The following GLRA2 variants were observed in gnomAD, a reference collection of about 807,000 sequenced individuals.
GLRA2 encodes the protein glycine receptor subunit alpha-2.
Under a neutral mutation model 31.6 loss-of-function variants are expected in GLRA2, and 11 were observed. That is an observed-to-expected ratio of 0.35 (90% CI 0.22 to 0.58). The LOEUF is 0.58. Among genes scored for constraint, GLRA2 ranks in the 20% least tolerant of loss-of-function variants. GLRA2 has a pLI of 0.84. For synonymous variants in GLRA2, 132 were observed against 134.0 expected (o/e 0.99, Z 0.10); for missense variants, 212 against 351.8 (o/e 0.60, Z 3.18).
the GLRA2 span, among the ~76,000 whole-genome samples, chrX:14,492,143 G>GA: frequency 2.0e-3 from 207 of 104,252 alleles, 1 homozygote; most frequent in South Asian, 0.026. Context: ...AAAATGGATT[G>GA]AAAAAAAAAA....
intron 7 of GLRA2, among the ~76,000 whole-genome samples, chrX:14,681,034 A>G (rs1186496903): frequency 8.9e-6 from 1 of 112,317 alleles, no homozygotes; most frequent in African/African-American, 3.2e-5. Flanking sequence ...GTGATTGGTA[A>G]TGTTCTATTA....
the GLRA2 span, among the ~76,000 whole-genome samples, chrX:14,476,697 G>T: frequency 8.9e-6 from 1 of 111,914 alleles, no homozygotes; most frequent in South Asian, 3.7e-4. Flanking sequence ...GCAGAGAGTA[G>T]AACATTCTTG....
chrX:14,581,260 C>T lies in GLRA2; in HGVS notation c.348C>T (p.Ser116=). ...CGTACAGTGAGTACCCAGATGACTCCCTGGACTTGGACCCATCCATGCTAG... is the reference window on the plus strand; with the variant it reads ...CGTACAGTGAGTACCCAGATGACTCTCTGGACTTGGACCCATCCATGCTAG... ...RLAYSEYPDD[S]LDLDPSMLDS... Residue 116 remains serine, a synonymous_variant, in exon 4 of 9, where the codon TCC becomes TCT. Transcript: ENST00000218075. 8.4e-7 allele frequency: 1 copy of T among 1,189,602 alleles called. No individual in the cohort carries two copies. The highest frequency in any genetic ancestry group is 3.0e-5 in the East Asian group (1 of 33,790).
intron 7 of GLRA2, among the ~76,000 whole-genome samples, chrX:14,613,404 CT>C (rs1569509825): frequency 9.0e-6 from 1 of 111,672 alleles, no homozygotes; most frequent in Non-Finnish European, 1.9e-5. Context: ...ACAATTAGTC[CT>C]CCATATCTGC....
the GLRA2 span, among the ~76,000 whole-genome samples, chrX:14,514,258 G>T: frequency 9.1e-6 from 1 of 109,529 alleles, no homozygotes; most frequent in East Asian, 2.9e-4. Context: ...CGGGGGAAAG[G>T]GTGGGAGGGG....
the GLRA2 span, among the ~76,000 whole-genome samples, chrX:14,481,685 T>G: frequency 9.0e-6 from 1 of 111,674 alleles, no homozygotes; most frequent in East Asian, 2.8e-4. Flanking sequence ...TCTGGAGTTT[T>G]CCTTCACTAT....
chrX:14,621,649 TG>T (rs1209438423), intron 7 of GLRA2, among the ~76,000 whole-genome samples: 1 of 111,529 alleles, frequency 9.0e-6, no homozygotes, highest in African/African-American at 3.3e-5. Flanking sequence ...TTGCTCAGAA[TG>T]ATGGTTTCCA....
the GLRA2 span, among the ~76,000 whole-genome samples, chrX:14,484,440 T>G: frequency 8.9e-6 from 1 of 112,249 alleles, no homozygotes; most frequent in Non-Finnish European, 1.9e-5. Context: ...CAAGAATACT[T>G]AAGGTTGTTG....
chrX:14,507,689 CTTTTTTTTT>C, the GLRA2 span, among the ~76,000 whole-genome samples: 5 of 46,638 alleles, frequency 1.1e-4, no homozygotes, highest in East Asian at 2.1e-3. Context: ...GAAAGACATT[CTTTTTTTTT>C]TTTTTTTTTT....
chrX:14,599,414 A>G (rs1601751297), intron 4 of GLRA2, among the ~76,000 whole-genome samples: 2 of 112,299 alleles, frequency 1.8e-5, no homozygotes, highest in South Asian at 7.4e-4. Context: ...CTTCCCGACT[A>G]AAATAGTTAA....
At chrX:14,476,266 C>T in the GLRA2 span, among the ~76,000 whole-genome samples, 4 of 112,043 alleles carry the variant, frequency 3.6e-5, no homozygotes, top group Admixed American at 1.9e-4. Flanking sequence ...ACTCCATTTC[C>T]TGATTGTTTT....
chrX:14,701,995 G>A (rs1427697679), intron 8 of GLRA2, among the ~76,000 whole-genome samples: 1 of 112,330 alleles, frequency 8.9e-6, no homozygotes, highest in Non-Finnish European at 1.9e-5. Flanking sequence ...TGAGGACAAA[G>A]CATCTTCTCC....
chrX:14,713,596 G>A lies in GLRA2; in HGVS notation c.1081-16611G>A, dbSNP rs6628445. On this transcript the variant is annotated intron_variant, in intron 8 of 8. Coordinates refer to ENST00000218075, the MANE Select transcript of GLRA2 (RefSeq NM_002063.4). ...CAATTACTTCTAGTCCATTTAAAATGTGGTGCTGTAGGTGAGGTATGATCC... is the reference window on the plus strand; with the variant it reads ...CAATTACTTCTAGTCCATTTAAAATATGGTGCTGTAGGTGAGGTATGATCC... 8.9e-5 allele frequency among the ~76,000 whole-genome samples: 10 copies of A among 112,117 alleles called. No individual in the cohort carries two copies. The East Asian group carries it at 2.0e-3, about 22-fold the overall frequency.
the GLRA2 span, among the ~76,000 whole-genome samples, chrX:14,463,791 C>G: frequency 9.0e-6 from 1 of 111,552 alleles, no homozygotes; most frequent in Admixed American, 9.5e-5. Context: ...CTTCCCTTGA[C>G]TATGAGAGGG....
chrX:14,691,686 G>C (rs2091364108), intron 8 of GLRA2, among the ~76,000 whole-genome samples: 1 of 111,772 alleles, frequency 8.9e-6, no homozygotes, highest in Admixed American at 9.5e-5. Flanking sequence ...GGCAATTCTG[G>C]TGTGCAGACA....
chrX:14,618,225 A>T (rs2090475448), intron 7 of GLRA2, among the ~76,000 whole-genome samples: 1 of 111,629 alleles, frequency 9.0e-6, no homozygotes. Context: ...TTATGTGCCT[A>T]CCTCTCTTTA....
At chrX:14,533,576 T>C (rs2089285892) in intron 2 of GLRA2, among the ~76,000 whole-genome samples, 2 of 110,421 alleles carry the variant, frequency 1.8e-5, no homozygotes, top group South Asian at 7.7e-4. Context: ...TTGTGGTCAT[T>C]GCTTTGGAAG....
chrX:14,626,730 T>C (rs963539452), intron 7 of GLRA2, among the ~76,000 whole-genome samples: 5 of 111,936 alleles, frequency 4.5e-5, no homozygotes, highest in African/African-American at 1.3e-4. Flanking sequence ...TGGATGATCA[T>C]TGACAATAAA....
chrX:14,530,139 C>T lies in GLRA2; in HGVS notation c.68+14C>T. On this transcript the variant is annotated intron_variant, in intron 1 of 8. Transcript: ENST00000218075. ...AAACCACTTCAGGTAGGTGAAACGA[C>T]TTTGCATGTTGATATTTAAATTGTT... is the stretch of plus-strand genomic sequence containing the variant. 9.5e-7 allele frequency: 1 copy of T among 1,057,135 alleles called. No individual in the cohort carries two copies. The highest frequency in any genetic ancestry group is 3.0e-5 in the East Asian group (1 of 33,236). 87.1% of individuals were successfully genotyped at this position (1,057,135 alleles called of 1,213,427 possible). A position where few individuals can be genotyped will look rare whatever the true frequency, so the allele number is the denominator to read the frequency against.
Sources: allele counts gnomAD v4.1 joint callset (sites outside exome capture counted in the v4.1 genomes callset), GRCh38; gene constraint gnomAD v4.1.1; transcripts MANE v1.5; gene names NCBI Gene and HGNC (gene_info 2026-07-23, HGNC 2026-07-21).